The following PEAK1 variants were observed in gnomAD, a reference collection of about 807,000 sequenced individuals.
The protein encoded by PEAK1 is inactive tyrosine-protein kinase PEAK1.
In PEAK1, 54 loss-of-function variants were observed where a neutral mutation model predicts 124.7. The observed-to-expected ratio is 0.43, with a 90% confidence interval of 0.35 to 0.54. The LOEUF (loss-of-function observed/expected upper bound fraction) is 0.54. PEAK1 is among the 20% of genes least tolerant of loss of function. PEAK1 has a pLI of 0.01. For synonymous variants in PEAK1, 719 were observed against 760.0 expected (o/e 0.95, Z 0.89); for missense variants, 2,046 against 2,134.5 (o/e 0.96, Z 0.82).
At chr15:77,298,083 A>C (rs1383723052) in intron 2 of PEAK1, among the ~76,000 whole-genome samples, 1 of 149,488 alleles carries the variant, frequency 6.7e-6, no homozygotes, top group Non-Finnish European at 1.5e-5. Context: ...AAAAAAAAAA[A>C]AAAAAAAGAA....
chr15:77,219,961 T>C (rs1201222990), intron 6 of PEAK1, among the ~76,000 whole-genome samples: 1 of 152,176 alleles, frequency 6.6e-6, no homozygotes, highest in Admixed American at 6.6e-5. Flanking sequence ...TTTTGACTCA[T>C]ATGCAAATTT....
intron 1 of PEAK1, chr15:77,371,389 G>A: frequency 3.2e-6 from 3 of 945,546 alleles, no homozygotes; most frequent in Non-Finnish European, 3.8e-6. Flanking sequence ...TGAAAGTGTT[G>A]TAAAAGTGAA....
intron 5 of PEAK1, chr15:77,278,776 T>A (rs1284993596): frequency 2.4e-6 from 1 of 414,694 alleles, no homozygotes; most frequent in Non-Finnish European, 4.6e-6. Context: ...TTCTGGTGAC[T>A]ATACAGTTTG....
In PEAK1 at chr15:77,319,932, G is replaced by A. The variant is rs571188482; in HGVS notation, c.-602-33428C>T. Reference sequence around the variant, plus strand: ...CTCCCAATGAAAAATATCGTTAAAAGGTCAACTACAAAGCAGAACCAACAT... The same window carrying A: ...CTCCCAATGAAAAATATCGTTAAAAAGTCAACTACAAAGCAGAACCAACAT... On this transcript the variant is annotated intron_variant, in intron 2 of 9. Transcript: ENST00000682557. Among the ~76,000 whole-genome samples, 37 of 152,178 alleles carry A rather than the reference G, an allele frequency of 2.4e-4. 1 individual carries two copies. The South Asian group carries it at 5.4e-3, about 22-fold the overall frequency.
intron 1 of PEAK1, among the ~76,000 whole-genome samples, chr15:77,401,031 T>C (rs2071336681): frequency 6.6e-6 from 1 of 152,104 alleles, no homozygotes; most frequent in Admixed American, 6.6e-5. Flanking sequence ...TGACAAAACA[T>C]TTAGAGCCAA....
chr15:77,374,885 C>CA (rs912743073), intron 1 of PEAK1, among the ~76,000 whole-genome samples: 1 of 151,942 alleles, frequency 6.6e-6, no homozygotes, highest in African/African-American at 2.4e-5. Context: ...TACAAGGTGA[C>CA]AAAATCTCAA....
At chr15:77,381,357 G>T in intron 1 of PEAK1, 1 of 759,634 alleles carries the variant, frequency 1.3e-6, no homozygotes, top group Non-Finnish European at 1.6e-6. Flanking sequence ...AATGGCTGTA[G>T]TGCACTATGA....
chr15:77,227,370 A>G (rs527808933), intron 6 of PEAK1, among the ~76,000 whole-genome samples: 41 of 152,288 alleles, frequency 2.7e-4, no homozygotes, highest in African/African-American at 9.6e-4. Context: ...TATAGTAGGA[A>G]GATCAAACAG....
chr15:77,222,772 T>C (rs2059445377), intron 6 of PEAK1, among the ~76,000 whole-genome samples: 1 of 152,038 alleles, frequency 6.6e-6, no homozygotes, highest in African/African-American at 2.4e-5. Context: ...AAAGGGCATG[T>C]CTTCCAGAGG....
chr15:77,277,135 C>T (rs991672914), intron 5 of PEAK1, among the ~76,000 whole-genome samples: 2 of 152,130 alleles, frequency 1.3e-5, no homozygotes, highest in African/African-American at 4.8e-5. Flanking sequence ...GGAAAACTAA[C>T]TATATCAGCA....
At chr15:77,324,932 C>T (rs1358909707) in intron 2 of PEAK1, among the ~76,000 whole-genome samples, 1 of 152,124 alleles carries the variant, frequency 6.6e-6, no homozygotes, top group Non-Finnish European at 1.5e-5. Flanking sequence ...TAACAAACAA[C>T]TTCTAATATC....
intron 7 of PEAK1, among the ~76,000 whole-genome samples, chr15:77,176,587 G>A (rs561799020): frequency 1.3e-5 from 2 of 152,330 alleles, no homozygotes; most frequent in Non-Finnish European, 2.9e-5. Flanking sequence ...AAGAACCAAT[G>A]GGCAAATGAA....
downstream of PEAK1, chr15:77,105,320 GT>G (rs1184407045): frequency 4.8e-4 from 12 of 24,948 alleles, no homozygotes; most frequent in African/African-American, 2.5e-3. Flanking sequence ...ATTAGTTGGT[GT>G]GTGTGTGTGT....
chr15:77,142,816 G>T (rs1206890611), intron 8 of PEAK1, among the ~76,000 whole-genome samples: 1 of 152,168 alleles, frequency 6.6e-6, no homozygotes, highest in African/African-American at 2.4e-5. Flanking sequence ...ATTAGCTGTT[G>T]TAAGGGGCTG....
rs1596215696 is a variant in PEAK1 at position 77,113,296 on chromosome 15, G to A, written c.*860C>T. The A allele has an allele frequency of 6.6e-6, 1 of 152,384 alleles. No individual in the cohort carries two copies. The highest frequency in any genetic ancestry group is 1.5e-5 in the Non-Finnish European group (1 of 68,050). 9.4% of individuals were successfully genotyped at this position (152,384 alleles called of 1,614,324 possible). ...AAACTCTGTTTCCTGATGGCCCCTA[G>A]AGAATTGCACATGCAAGAAAATCAT... On this transcript the variant is annotated 3_prime_UTR_variant, in exon 10 of 10. Coordinates refer to ENST00000682557, the MANE Select transcript of PEAK1 (RefSeq NM_001385026.1).
At chr15:77,355,222 G>T (rs1448596639) in intron 2 of PEAK1, among the ~76,000 whole-genome samples, 1 of 152,166 alleles carries the variant, frequency 6.6e-6, no homozygotes, top group African/African-American at 2.4e-5. Flanking sequence ...GCAGGAGGTG[G>T]AGAGATACGA....
intron 6 of PEAK1, among the ~76,000 whole-genome samples, chr15:77,205,497 T>C (rs2058596178): frequency 6.6e-6 from 1 of 152,162 alleles, no homozygotes; most frequent in South Asian, 2.1e-4. Context: ...ACATTTTAAA[T>C]TACTCCTATT....
rs559380905 is a variant in PEAK1 at position 77,357,429 on chromosome 15, CA to C, written c.-603+7733del. Among the ~76,000 whole-genome samples, 11 of 152,294 alleles carry C rather than the reference CA, an allele frequency of 7.2e-5. No homozygotes were observed. In the South Asian group the frequency reaches 2.3e-3, roughly 32 times the overall value. On this transcript the variant is annotated intron_variant, in intron 2 of 9. Coordinates refer to ENST00000682557, the MANE Select transcript of PEAK1 (RefSeq NM_001385026.1). ...CTGAGACTACAGGCATGTGCCATTA[CA>C]ACTGGCTAATTTTTGTATTTTTAAT... is the stretch of plus-strand genomic sequence containing the variant.
intron 8 of PEAK1, among the ~76,000 whole-genome samples, chr15:77,137,557 G>A (rs780532397): frequency 1.6e-4 from 24 of 152,158 alleles, no homozygotes; most frequent in African/African-American, 5.6e-4. Context: ...GCTGGATTTC[G>A]GACTTGTGTG....
Sources: allele counts gnomAD v4.1 joint callset (sites outside exome capture counted in the v4.1 genomes callset), GRCh38; gene constraint gnomAD v4.1.1; transcripts MANE v1.5; gene names NCBI Gene and HGNC (gene_info 2026-07-23, HGNC 2026-07-21).